The following CNTNAP5 variants were observed in gnomAD, a reference collection of about 807,000 sequenced individuals.
The protein encoded by CNTNAP5 is contactin-associated protein-like 5.
In CNTNAP5, 72 loss-of-function variants were observed where a neutral mutation model predicts 150.2. The ratio of observed to expected loss-of-function variants is 0.48; its 90% CI spans 0.40 to 0.58. The LOEUF is 0.58. Ranked by LOEUF, CNTNAP5 falls within the 20% of genes least tolerant of loss-of-function variation. The pLI, the probability that CNTNAP5 is intolerant of heterozygous loss-of-function variation, is 0.00. For missense variants in CNTNAP5, 1,636 were observed against 1,626.2 expected, an observed-to-expected ratio of 1.01 and a Z score of -0.10; for synonymous variants, 672 against 619.8, an observed-to-expected ratio of 1.08 and a Z score of -1.25.
chr2:124,185,682 A>G (rs1031849229), intron 1 of CNTNAP5, among the ~76,000 whole-genome samples: 12 of 152,122 alleles, frequency 7.9e-5, no homozygotes, highest in Non-Finnish European at 1.6e-4. Context: ...TTTAAACTGC[A>G]CCATCAGGAT....
chr2:124,891,458 C>T (rs931622689), intron 21 of CNTNAP5, among the ~76,000 whole-genome samples: 1 of 152,042 alleles, frequency 6.6e-6, no homozygotes, highest in African/African-American at 2.4e-5. Context: ...CAGTGAAGGG[C>T]GTGATGACGA....
intron 13 of CNTNAP5, among the ~76,000 whole-genome samples, chr2:124,683,934 A>G (rs1268693046): frequency 6.6e-6 from 1 of 152,196 alleles, no homozygotes; most frequent in Non-Finnish European, 1.5e-5. Flanking sequence ...TTTGTGAAAT[A>G]CCACCTTGGA....
At chr2:124,909,142 C>T (rs559075623) in intron 22 of CNTNAP5, among the ~76,000 whole-genome samples, 115 of 152,166 alleles carry the variant, frequency 7.6e-4, no homozygotes, top group Non-Finnish European at 1.3e-3. Context: ...CACTTACTCA[C>T]TGACTTGCCC....
intron 3 of CNTNAP5, among the ~76,000 whole-genome samples, chr2:124,354,278 C>A (rs1006089862): frequency 1.3e-5 from 2 of 152,058 alleles, no homozygotes; most frequent in African/African-American, 2.4e-5. Context: ...CAAAAAAAAT[C>A]TTTGAGAATC....
At chr2:124,477,082 A>G (rs986438828) in intron 7 of CNTNAP5, among the ~76,000 whole-genome samples, 1 of 152,044 alleles carries the variant, frequency 6.6e-6, no homozygotes, top group African/African-American at 2.4e-5. Context: ...CATAATTCCT[A>G]TAGTCTTTTA....
At chr2:124,224,638 T>C (rs1686412402) in intron 2 of CNTNAP5, among the ~76,000 whole-genome samples, 1 of 151,996 alleles carries the variant, frequency 6.6e-6, no homozygotes, top group Non-Finnish European at 1.5e-5. Context: ...ATATATATGT[T>C]TATATAGTTG....
chr2:124,441,573 G>A (rs1332004103), intron 5 of CNTNAP5, among the ~76,000 whole-genome samples: 2 of 151,884 alleles, frequency 1.3e-5, no homozygotes, highest in Admixed American at 6.6e-5. Context: ...TTATCAAAAA[G>A]GGCAGTCACT....
At chr2:124,164,476 A>G (rs1157675532) in intron 1 of CNTNAP5, among the ~76,000 whole-genome samples, 2 of 152,214 alleles carry the variant, frequency 1.3e-5, no homozygotes, top group South Asian at 2.1e-4. Flanking sequence ...TTATATGTAT[A>G]TATACTTTTC....
intron 21 of CNTNAP5, among the ~76,000 whole-genome samples, chr2:124,888,616 T>A (rs921131081): frequency 6.6e-6 from 1 of 152,138 alleles, no homozygotes; most frequent in Admixed American, 6.6e-5. Flanking sequence ...TTTGTTGTTT[T>A]TTGACTTTTT....
At chr2:124,731,535 A>G (rs1680271109) in intron 13 of CNTNAP5, among the ~76,000 whole-genome samples, 4 of 151,940 alleles carry the variant, frequency 2.6e-5, no homozygotes, top group Admixed American at 2.6e-4. Flanking sequence ...AAAGGTAAAA[A>G]TAATTTGGGG....
chr2:124,268,504 T>C (rs1459497929), intron 3 of CNTNAP5, among the ~76,000 whole-genome samples: 1 of 152,202 alleles, frequency 6.6e-6, no homozygotes, highest in Non-Finnish European at 1.5e-5. Flanking sequence ...GGCCAAATCG[T>C]AAATAGAGGC....
At chr2:124,510,954 T>TA (rs1269899009) in intron 8 of CNTNAP5, among the ~76,000 whole-genome samples, 1 of 152,188 alleles carries the variant, frequency 6.6e-6, no homozygotes, top group African/African-American at 2.4e-5. Flanking sequence ...AGTTCTTTCT[T>TA]ACTTTTCATA....
At chr2:124,108,655 A>G (rs1449420538) in intron 1 of CNTNAP5, among the ~76,000 whole-genome samples, 1 of 152,202 alleles carries the variant, frequency 6.6e-6, no homozygotes, top group Non-Finnish European at 1.5e-5. Flanking sequence ...TTCAAAGTTA[A>G]TGATTTCCAA....
intron 11 of CNTNAP5, among the ~76,000 whole-genome samples, chr2:124,581,241 G>A (rs2104949066): frequency 6.6e-6 from 1 of 152,284 alleles, no homozygotes; most frequent in Admixed American, 6.5e-5. Context: ...GTCTTTATTA[G>A]CAAAGATCAT....
At chr2:124,853,631 C>G (rs1677279352) in intron 19 of CNTNAP5, among the ~76,000 whole-genome samples, 1 of 152,210 alleles carries the variant, frequency 6.6e-6, no homozygotes, top group African/African-American at 2.4e-5. Context: ...CCCAGACAAA[C>G]TCTTTCTAAT....
intron 20 of CNTNAP5, among the ~76,000 whole-genome samples, chr2:124,869,408 G>A (rs1677698203): frequency 6.6e-6 from 1 of 152,142 alleles, no homozygotes; most frequent in Admixed American, 6.6e-5. Context: ...TCTCTGTGGG[G>A]AGATAAATAC....
At chr2:124,596,075 CT>C (rs1245039768) in intron 11 of CNTNAP5, among the ~76,000 whole-genome samples, 2 of 131,432 alleles carry the variant, frequency 1.5e-5, no homozygotes, top group East Asian at 5.0e-4. Context: ...TTTGTTGATC[CT>C]TTCAAAAAAC....
At chr2:124,706,519 G>A (rs1679639926) in intron 13 of CNTNAP5, among the ~76,000 whole-genome samples, 1 of 152,006 alleles carries the variant, frequency 6.6e-6, no homozygotes, top group Admixed American at 6.6e-5. Flanking sequence ...GGCCGAGGCA[G>A]GTGAATCACT....
At chr2:124,363,922 G>A (rs1352016827) in intron 3 of CNTNAP5, among the ~76,000 whole-genome samples, 2 of 152,158 alleles carry the variant, frequency 1.3e-5, no homozygotes, top group Non-Finnish European at 2.9e-5. Context: ...TGTGTCCCCT[G>A]CTCCAAGCCA....
Sources: gnomAD v4.1 joint callset for allele counts (sites outside exome capture counted in the v4.1 genomes callset) on GRCh38, gnomAD v4.1.1 for gene constraint, MANE v1.5 for transcripts, NCBI Gene and HGNC (gene_info 2026-07-23, HGNC 2026-07-21) for gene names.